The following CATSPERT variants were observed in gnomAD, a reference collection of about 807,000 sequenced individuals.
CATSPERT encodes the protein cation channel sperm-associated targeting subunit tau.
At chr2:201,582,769 C>A in the CATSPERT span, among the ~76,000 whole-genome samples, 1 of 152,174 alleles carries the variant, frequency 6.6e-6, no homozygotes, top group Non-Finnish European at 1.5e-5. Context: ...ATTATGTAAT[C>A]TTTAATATCT....
the CATSPERT span, among the ~76,000 whole-genome samples, chr2:201,521,221 G>A: frequency 6.6e-6 from 1 of 152,164 alleles, no homozygotes; most frequent in Non-Finnish European, 1.5e-5. Context: ...AATTGAAGCA[G>A]ATAAAACTCT....
chr2:201,506,424 G>T, the CATSPERT span, among the ~76,000 whole-genome samples: 1 of 152,034 alleles, frequency 6.6e-6, no homozygotes. Context: ...GAATTATATG[G>T]GAATACAAAG....
chr2:201,576,505 CT>C, the CATSPERT span, among the ~76,000 whole-genome samples: 3 of 152,246 alleles, frequency 2.0e-5, no homozygotes, highest in African/African-American at 7.2e-5. Flanking sequence ...CTTTTGTCTT[CT>C]TTGCTCCCCA....
chr2:201,494,729 G>T, the CATSPERT span: 3 of 1,518,874 alleles, frequency 2.0e-6, no homozygotes, highest in South Asian at 2.5e-5. Flanking sequence ...CTTAGAAAAG[G>T]ATCAAAACCG....
the CATSPERT span, chr2:201,537,422 C>T: frequency 6.3e-7 from 1 of 1,579,198 alleles, no homozygotes; most frequent in Non-Finnish European, 8.6e-7. Flanking sequence ...AAGTTCTCTT[C>T]CAATTTCCCT....
At chr2:201,519,365 CAAAT>C in the CATSPERT span, among the ~76,000 whole-genome samples, 2 of 151,804 alleles carry the variant, frequency 1.3e-5, no homozygotes, top group South Asian at 4.2e-4. Flanking sequence ...CCCATCTAAA[CAAAT>C]AAGTCTTTCC....
chr2:201,508,196 T>A, the CATSPERT span, among the ~76,000 whole-genome samples: 2 of 152,218 alleles, frequency 1.3e-5, no homozygotes, highest in African/African-American at 4.8e-5. Context: ...CAAATAGATT[T>A]ATTATCTTGC....
the CATSPERT span, chr2:201,565,609 GAA>G: frequency 9.9e-7 from 1 of 1,013,790 alleles, no homozygotes; most frequent in Non-Finnish European, 1.3e-6. Context: ...GCACCATAAT[GAA>G]AGTTTCTGAG....
At chr2:201,497,698 T>C in the CATSPERT span, among the ~76,000 whole-genome samples, 2 of 152,162 alleles carry the variant, frequency 1.3e-5, no homozygotes, top group Admixed American at 6.5e-5. Flanking sequence ...TATAATTCTT[T>C]CACAAATAAA....
At chr2:201,554,728 T>A in the CATSPERT span, 1 of 152,230 alleles carries the variant, frequency 6.6e-6, no homozygotes, top group Non-Finnish European at 1.5e-5. Context: ...GCCACAGAAC[T>A]AAATCTATTT....
the CATSPERT span, among the ~76,000 whole-genome samples, chr2:201,596,568 TA>T: frequency 6.6e-6 from 1 of 152,096 alleles, no homozygotes; most frequent in South Asian, 2.1e-4. Context: ...CCCCAGAACT[TA>T]AAAGTTAAAA....
At chr2:201,619,145 C>T in the CATSPERT span, 8 of 1,613,270 alleles carry the variant, frequency 5.0e-6, no homozygotes, top group Non-Finnish European at 5.9e-6. Flanking sequence ...CCATCTTCTG[C>T]GGCCTGTCTG....
At chr2:201,493,456 C>T in the CATSPERT span, 3 of 1,536,994 alleles carry the variant, frequency 2.0e-6, no homozygotes, top group African/African-American at 4.1e-5. Context: ...AGAAGTGATC[C>T]CCGTACCCAG....
At chr2:201,585,381 T>TA in the CATSPERT span, among the ~76,000 whole-genome samples, 16 of 118,576 alleles carry the variant, frequency 1.3e-4, no homozygotes, top group Admixed American at 6.9e-4. Context: ...CTTAAAGTAT[T>TA]AAAAAAAAAA....
chr2:201,610,632 T>C, the CATSPERT span, among the ~76,000 whole-genome samples: 1 of 152,180 alleles, frequency 6.6e-6, no homozygotes, highest in Non-Finnish European at 1.5e-5. Flanking sequence ...ATTACCCTGA[T>C]GCAAAAACCA....
chr2:201,543,732 G>T, the CATSPERT span, among the ~76,000 whole-genome samples: 1 of 151,902 alleles, frequency 6.6e-6, no homozygotes, highest in South Asian at 2.1e-4. Flanking sequence ...TTCATGTATT[G>T]GTTCTAACAG....
the CATSPERT span, among the ~76,000 whole-genome samples, chr2:201,559,656 C>A: frequency 6.6e-6 from 1 of 152,212 alleles, no homozygotes; most frequent in Non-Finnish European, 1.5e-5. Context: ...GAGAAACTTG[C>A]AAATGCCACT....
At chr2:201,532,433 C>A in the CATSPERT span, among the ~76,000 whole-genome samples, 1 of 152,092 alleles carries the variant, frequency 6.6e-6, no homozygotes, top group African/African-American at 2.4e-5. Flanking sequence ...CAGTCTTCGT[C>A]ATGTTAAGTT....
chr2:201,539,486 T>C, the CATSPERT span, among the ~76,000 whole-genome samples: 78 of 151,648 alleles, frequency 5.1e-4, no homozygotes, highest in African/African-American at 1.8e-3. Context: ...TGTCTGTTCA[T>C]GTCCTTTGCC....
Sources: gnomAD v4.1 joint callset for allele counts (sites outside exome capture counted in the v4.1 genomes callset) on GRCh38, gnomAD v4.1.1 for gene constraint, MANE v1.5 for transcripts, NCBI Gene and HGNC (gene_info 2026-07-23, HGNC 2026-07-21) for gene names.